ATP9B: variants seen among roughly 807,000 people sequenced by gnomAD.
ATP9B encodes the protein probable phospholipid-transporting ATPase IIB.
Under a neutral mutation model 146.1 loss-of-function variants are expected in ATP9B, and 110 were observed. The observed-to-expected ratio is 0.75, with a 90% CI of 0.65 to 0.88. ATP9B has a LOEUF of 0.88. Ranked by LOEUF, ATP9B falls within the 40% of genes least tolerant of loss-of-function variation. ATP9B has a pLI of 0.00. For missense variants in ATP9B, 1,499 were observed against 1,496.4 expected, an observed-to-expected ratio of 1.00 and a Z score of -0.03; for synonymous variants, 604 against 569.7, an observed-to-expected ratio of 1.06 and a Z score of -0.86.
intron 26 of ATP9B, among the ~76,000 whole-genome samples, chr18:79,365,359 C>A (rs985260065): frequency 4.6e-5 from 7 of 152,140 alleles, no homozygotes; most frequent in Non-Finnish European, 7.4e-5. Flanking sequence ...ACGTGAAAGG[C>A]TGGGGAGGGT....
At chr18:79,371,461 G>A (rs2097070167) in intron 26 of ATP9B, among the ~76,000 whole-genome samples, 1 of 151,040 alleles carries the variant, frequency 6.6e-6, no homozygotes, top group Admixed American at 6.6e-5. Flanking sequence ...ACGTGTGAGG[G>A]CTCAAGCTCC....
chr18:79,322,439 C>G (rs1326425900), intron 15 of ATP9B, among the ~76,000 whole-genome samples: 1 of 152,216 alleles, frequency 6.6e-6, no homozygotes, highest in African/African-American at 2.4e-5. Flanking sequence ...TGGCCGCACC[C>G]TCGGGGCACG....
chr18:79,326,612 C>T (rs2096748569), intron 15 of ATP9B, among the ~76,000 whole-genome samples: 1 of 152,144 alleles, frequency 6.6e-6, no homozygotes, highest in African/African-American at 2.4e-5. Context: ...TGTTCGGTTT[C>T]ATCTCTGCAC....
intron 26 of ATP9B, chr18:79,363,271 G>A (rs1285511242): frequency 6.6e-6 from 1 of 152,204 alleles, no homozygotes; most frequent in Non-Finnish European, 1.5e-5. Context: ...ATACAAGAAA[G>A]TGAGACACTG....
chr18:79,253,453 G>T lies in ATP9B; in HGVS notation c.1180G>T (p.Val394Phe). The T allele has an allele frequency of 6.2e-7, 1 of 1,613,668 alleles. No individual in the cohort carries two copies. Among genetic ancestry groups the T allele is most frequent in the Non-Finnish European group, 8.5e-7 (1 of 1,179,870 alleles). The stretch of plus-strand genomic sequence containing the variant: ...TTTGGCTTTAGTTGCTCTTTCCATT[G>T]TTATGGTAACCTTACAAGGATTTGT... ...LFLALVALSI[V>F]MVTLQGFVGP... Residue 394 changes from valine (V) to phenylalanine (F), a missense_variant, in exon 12 of 30, where the codon GTT (valine) becomes TTT (phenylalanine). Val to Phe is a conservative substitution (Grantham distance 50). Coordinates refer to ENST00000426216, the MANE Select transcript of ATP9B (RefSeq NM_198531.5).
intron 1 of ATP9B, among the ~76,000 whole-genome samples, chr18:79,073,464 C>T (rs2072205356): frequency 6.6e-6 from 1 of 152,174 alleles, no homozygotes; most frequent in Admixed American, 6.5e-5. Flanking sequence ...CCGTCTCCAC[C>T]AAAAAATACA....
chr18:79,267,221 C>A (rs1285052996), intron 12 of ATP9B, among the ~76,000 whole-genome samples: 1 of 152,002 alleles, frequency 6.6e-6, no homozygotes, highest in Non-Finnish European at 1.5e-5. Context: ...TTCATATTTT[C>A]CTGTTATCCC....
chr18:79,329,367 C>G lies in ATP9B; in HGVS notation c.1935+65C>G, dbSNP rs114388143. 828 of 1,422,002 alleles carry G rather than the reference C, an allele frequency of 5.8e-4. 2 individuals are homozygous for G. The African/African-American group carries it at 0.011, about 19-fold the overall frequency. 88.1% of individuals were successfully genotyped at this position (1,422,002 alleles called of 1,614,324 possible). ...ATTTTGTTTTCACACCTTTTAAACACAGATTTTCCCAAAAGAAAGTTAAAC... is the reference window on the plus strand; with the variant it reads ...ATTTTGTTTTCACACCTTTTAAACAGAGATTTTCCCAAAAGAAAGTTAAAC... On this transcript the variant is annotated intron_variant, in intron 16 of 29. Transcript: ENST00000426216.
At chr18:79,301,913 G>A (rs2096593047) in intron 13 of ATP9B, among the ~76,000 whole-genome samples, 1 of 152,164 alleles carries the variant, frequency 6.6e-6, no homozygotes, top group Admixed American at 6.5e-5. Flanking sequence ...GTCTTTGAAA[G>A]TAAGCGCTGT....
chr18:79,202,883 A>G (rs1359828096), intron 9 of ATP9B, among the ~76,000 whole-genome samples: 3 of 152,252 alleles, frequency 2.0e-5, no homozygotes, highest in East Asian at 1.9e-4. Context: ...ATGAAATTAT[A>G]TAGAACCTTT....
intron 7 of ATP9B, among the ~76,000 whole-genome samples, chr18:79,157,407 A>AAAAAAAAACAAC (rs2094807106): frequency 6.8e-6 from 1 of 147,282 alleles, no homozygotes; most frequent in South Asian, 2.1e-4. Flanking sequence ...AAAAAAAAAA[A>AAAAAAAAACAAC]AAAAAAAAAA....
chr18:79,118,636 G>A (rs113795520), intron 4 of ATP9B, among the ~76,000 whole-genome samples: 2 of 151,688 alleles, frequency 1.3e-5, no homozygotes, highest in African/African-American at 4.8e-5. Flanking sequence ...TCCTGACCTC[G>A]TGATCCGTCC....
At chr18:79,079,336 T>A (rs1253491678) in intron 1 of ATP9B, among the ~76,000 whole-genome samples, 1 of 152,224 alleles carries the variant, frequency 6.6e-6, no homozygotes, top group African/African-American at 2.4e-5. Flanking sequence ...GTTTCCTGAC[T>A]TTTTAGTGAT....
chr18:79,124,116 C>G (rs1054154229), intron 4 of ATP9B, among the ~76,000 whole-genome samples: 1 of 152,074 alleles, frequency 6.6e-6, no homozygotes, highest in East Asian at 1.9e-4. Context: ...CCTCAAAATA[C>G]TACACACACA....
rs1315222646 is a variant in ATP9B at position 79,345,538 on chromosome 18, G to A, written c.2583G>A (p.Leu861=). The part of the protein sequence containing the change: ...PTQKARIVTL[L]QQHTGRRTCA... ...AGAAGGCCCGCATTGTGACACTGCT[G>A]CAGCAGCACACAGGGAGACGCACCT... Residue 861 remains leucine (L), a synonymous_variant, in exon 22 of 30, where the codon CTG becomes CTA. Coordinates refer to ENST00000426216, the MANE Select transcript of ATP9B (RefSeq NM_198531.5). 1 of 1,611,284 alleles carries A rather than the reference G, an allele frequency of 6.2e-7. No homozygotes were observed. The highest frequency in any genetic ancestry group is 1.1e-5 in the South Asian group (1 of 91,082).
At chr18:79,330,476 A>C (rs1261796043) in intron 17 of ATP9B, among the ~76,000 whole-genome samples, 1 of 151,234 alleles carries the variant, frequency 6.6e-6, no homozygotes, top group Non-Finnish European at 1.5e-5. Context: ...GCAGTAGCGC[A>C]ATCTTGGCTC....
intron 7 of ATP9B, among the ~76,000 whole-genome samples, chr18:79,159,622 G>C (rs1412191037): frequency 6.6e-6 from 1 of 152,094 alleles, no homozygotes; most frequent in African/African-American, 2.4e-5. Context: ...TTCAGCTACA[G>C]CTCCATTGCC....
intron 11 of ATP9B, among the ~76,000 whole-genome samples, chr18:79,252,426 C>T: frequency 1.3e-5 from 1 of 74,246 alleles, no homozygotes; most frequent in Non-Finnish European, 2.7e-5. Context: ...CGCCGAGTTC[C>T]CTCTCATTCC....
At chr18:79,119,097 G>C (rs2094144388) in intron 4 of ATP9B, among the ~76,000 whole-genome samples, 1 of 145,862 alleles carries the variant, frequency 6.9e-6, no homozygotes, top group African/African-American at 2.7e-5. Context: ...AAATTGCCTT[G>C]TGGGTTAAAA....
Sources: allele counts gnomAD v4.1 joint callset (sites outside exome capture counted in the v4.1 genomes callset), GRCh38; gene constraint gnomAD v4.1.1; transcripts MANE v1.5; gene names NCBI Gene and HGNC (gene_info 2026-07-23, HGNC 2026-07-21).